EYS: variants seen among roughly 807,000 people sequenced by gnomAD.
EYS encodes the protein protein eyes shut homolog.
EYS carries 250 observed loss-of-function variants against 282.1 expected under a neutral mutation model. That is an observed-to-expected ratio of 0.89 (90% CI 0.80 to 0.98). The LOEUF is 0.98. Among genes scored for constraint, EYS ranks in the 50% least tolerant of loss-of-function variants. The pLI is 0.00. For synonymous variants in EYS, 1,355 were observed against 1,282.9 expected (o/e 1.06, Z -1.20); for missense variants, 4,016 against 3,709.0 (o/e 1.08, Z -2.15).
intron 12 of EYS, among the ~76,000 whole-genome samples, chr6:65,137,204 A>C (rs1223003303): frequency 6.6e-6 from 1 of 152,144 alleles, no homozygotes; most frequent in Non-Finnish European, 1.5e-5. Flanking sequence ...ATATGGTTCC[A>C]GGAAACCCCA....
chr6:64,192,651 C>G (rs1765152066), intron 31 of EYS, among the ~76,000 whole-genome samples: 1 of 152,060 alleles, frequency 6.6e-6, no homozygotes, highest in Non-Finnish European at 1.5e-5. Context: ...AAACTGGAAC[C>G]CTTCCTTACA....
In EYS at chr6:64,914,433, TC is replaced by T. The variant is rs1171377196; in HGVS notation, c.2382-1691del. 6.2e-4 allele frequency among the ~76,000 whole-genome samples: 94 copies of T among 152,170 alleles called. 1 individual carries two copies. The highest frequency in any genetic ancestry group is 1.9e-3 in the African/African-American group (79 of 41,550). Reference sequence around the variant, plus strand: ...GATTTTTAAGATAACTTGAAAAAAGTCATAGTGCTGAAATAATGTAACTTAC... The same window carrying T: ...GATTTTTAAGATAACTTGAAAAAAGTATAGTGCTGAAATAATGTAACTTAC... On this transcript the variant is annotated intron_variant, in intron 15 of 42. Coordinates refer to ENST00000503581, the MANE Select transcript of EYS (RefSeq NM_001142800.2).
intron 11 of EYS, chr6:65,331,043 C>A (rs1769779197): frequency 1.0e-6 from 1 of 984,266 alleles, no homozygotes; most frequent in Non-Finnish European, 1.2e-6. Flanking sequence ...CCTTTAAAGG[C>A]ACCCATATGT....
intron 13 of EYS, among the ~76,000 whole-genome samples, chr6:65,004,416 A>G (rs868214912): frequency 1.4e-5 from 2 of 147,534 alleles, no homozygotes; most frequent in African/African-American, 4.9e-5. Context: ...ACATTCTACA[A>G]TGGTCTGCTC....
intron 30 of EYS, among the ~76,000 whole-genome samples, chr6:64,291,890 A>G (rs780073800): frequency 4.1e-4 from 62 of 152,132 alleles, no homozygotes; most frequent in Non-Finnish European, 8.1e-4. Flanking sequence ...ATATATATGA[A>G]GATGGCTGAT....
At chr6:64,711,100 G>A (rs545963687) in intron 22 of EYS, among the ~76,000 whole-genome samples, 23 of 152,202 alleles carry the variant, frequency 1.5e-4, no homozygotes, top group African/African-American at 5.3e-4. Context: ...CATGAATTAG[G>A]TGTTAATACT....
intron 35 of EYS, among the ~76,000 whole-genome samples, chr6:63,964,640 C>A (rs750690734): frequency 1.3e-5 from 2 of 152,152 alleles, no homozygotes; most frequent in Non-Finnish European, 2.9e-5. Context: ...TGAAAACTGA[C>A]TTTATAATTT....
chr6:65,570,136 A>G (rs1764429476), intron 2 of EYS, among the ~76,000 whole-genome samples: 1 of 152,154 alleles, frequency 6.6e-6, no homozygotes, highest in South Asian at 2.1e-4. Context: ...ATAAAATAAA[A>G]AAAAGTTATT....
Position 64,422,763 on chromosome 6 carries a change from T to C in EYS, c.5927+13411A>G, listed in dbSNP as rs568617617. ...AATTATTATGAGCATAATGTCTATG[T>C]TAATCTTGTGCTACCACTTGGTTTA... On this transcript the variant is annotated intron_variant, in intron 28 of 42. Coordinates refer to ENST00000503581, the MANE Select transcript of EYS (RefSeq NM_001142800.2). Among the ~76,000 whole-genome samples, 6 of 152,326 alleles carry C rather than the reference T, an allele frequency of 3.9e-5. No homozygotes were observed. In the East Asian group the frequency reaches 9.6e-4, roughly 24 times the overall value.
At chr6:65,334,892 A>T in intron 11 of EYS, 88 bp downstream of exon 11, 1 of 1,260,164 alleles carries the variant, frequency 7.9e-7, no homozygotes, top group Non-Finnish European at 1.1e-6. Flanking sequence ...CAACAAAAAC[A>T]TTGTTACCAT....
At chr6:65,027,757 T>C (rs1483798513) in intron 13 of EYS, among the ~76,000 whole-genome samples, 1 of 152,178 alleles carries the variant, frequency 6.6e-6, no homozygotes, top group Non-Finnish European at 1.5e-5. Context: ...TGCCAGATAG[T>C]ATATCATTGT....
At chr6:63,753,916 C>T (rs1562010161) in intron 41 of EYS, among the ~76,000 whole-genome samples, 1 of 152,160 alleles carries the variant, frequency 6.6e-6, no homozygotes, top group African/African-American at 2.4e-5. Context: ...AAAGCTATCT[C>T]CTTCTCTCAT....
In EYS at chr6:64,120,183, T is replaced by TA. The variant is rs879344072; in HGVS notation, c.6425-38182dup. On this transcript the variant is annotated intron_variant, in intron 31 of 42. Transcript: ENST00000503581. ...TAGCACGGTGAAACCCTGTCTCTAC[T>TA]AAAAAAAAAAAAATTACAAAAAATT... 5.1e-3 allele frequency among the ~76,000 whole-genome samples: 693 copies of TA among 136,438 alleles called. 2 individuals carry two copies. The highest frequency in any genetic ancestry group is 0.033 in the Middle Eastern group (9 of 274). The allele number at this position is 136,438 out of a possible 152,430, so 89.5% of individuals were successfully genotyped here.
chr6:65,033,696 G>A (rs764011031), intron 13 of EYS, among the ~76,000 whole-genome samples: 14 of 152,316 alleles, frequency 9.2e-5, no homozygotes, highest in South Asian at 4.1e-4. Context: ...AAGCCTGGGT[G>A]CTCAGGTAGA....
chr6:64,730,370 T>C (rs1186268381), intron 22 of EYS, among the ~76,000 whole-genome samples: 5 of 152,190 alleles, frequency 3.3e-5, no homozygotes, highest in African/African-American at 7.2e-5. Flanking sequence ...AATGACAAGA[T>C]AGATAGCAAA....
chr6:64,284,260 T>A (rs1410628235), intron 30 of EYS, among the ~76,000 whole-genome samples: 2 of 152,158 alleles, frequency 1.3e-5, no homozygotes, highest in Non-Finnish European at 2.9e-5. Flanking sequence ...ACAGGATAAA[T>A]TGGCTAAAAC....
intron 28 of EYS, among the ~76,000 whole-genome samples, chr6:64,415,844 C>G (rs576945583): frequency 6.6e-6 from 1 of 152,162 alleles, no homozygotes; most frequent in Non-Finnish European, 1.5e-5. Context: ...CTGTTGTATT[C>G]CCTTTGGAAA....
At chr6:64,558,111 A>G (rs1765287560) in intron 26 of EYS, among the ~76,000 whole-genome samples, 1 of 152,104 alleles carries the variant, frequency 6.6e-6, no homozygotes, top group Admixed American at 6.6e-5. Context: ...AGAATTTAAG[A>G]GATGCAACCC....
chr6:63,973,953 A>G lies in EYS; in HGVS notation c.7055+10430T>C, dbSNP rs1766711180. 3.7e-5 allele frequency among the ~76,000 whole-genome samples: 5 copies of G among 134,248 alleles called. No individual in the cohort carries two copies. In the South Asian group the frequency reaches 1.2e-3, roughly 33 times the overall value. The allele number at this position is 134,248 out of a possible 152,430, so 88.1% of individuals were successfully genotyped here. A position where few individuals can be genotyped will look rare whatever the true frequency, so the allele number is the denominator to read the frequency against. ...CTTAAGGTACAATATCTACCAGCAAATGGGCCAGGAAAAAAATGTAAGGCT... is the reference window on the plus strand; with the variant it reads ...CTTAAGGTACAATATCTACCAGCAAGTGGGCCAGGAAAAAAATGTAAGGCT... On this transcript the variant is annotated intron_variant, in intron 35 of 42. Coordinates refer to ENST00000503581, the MANE Select transcript of EYS (RefSeq NM_001142800.2).
Sources: allele counts gnomAD v4.1 joint callset (sites outside exome capture counted in the v4.1 genomes callset), GRCh38; gene constraint gnomAD v4.1.1; transcripts MANE v1.5; gene names NCBI Gene and HGNC (gene_info 2026-07-23, HGNC 2026-07-21).